Variants in USH2A observed in about 807,000 individuals in gnomAD.
The protein encoded by USH2A is Usher syndrome 2A (autosomal recessive, mild).
USH2A carries 443 observed loss-of-function variants against 538.9 expected under a neutral mutation model. That is an observed-to-expected ratio of 0.82 (90% CI 0.76 to 0.89). USH2A has a LOEUF of 0.89. Among genes scored for constraint, USH2A ranks in the 40% least tolerant of loss-of-function variants. The pLI is 0.00. For missense variants in USH2A, 6,633 were observed against 6,324.8 expected (o/e 1.05, Z -1.65); for synonymous variants, 2,413 against 2,273.5 (o/e 1.06, Z -1.75).
rs961401385 is a variant in USH2A at position 215,949,005 on chromosome 1, A to G, written c.7121-14210T>C. Reference sequence around the variant, plus strand: ...TAACGTGTTATATCCAGCTAAGTTCATATGACTGAGTGGGCTGGACTCACG... The same window carrying G: ...TAACGTGTTATATCCAGCTAAGTTCGTATGACTGAGTGGGCTGGACTCACG... On this transcript the variant is annotated intron_variant, in intron 37 of 71. Transcript: ENST00000307340. Among the ~76,000 whole-genome samples, 2 of 152,122 alleles carry G rather than the reference A, an allele frequency of 1.3e-5. 1 individual carries two copies. The highest frequency in any genetic ancestry group is 4.1e-4 in the South Asian group (2 of 4,828).
At chr1:216,192,555 A>G (rs928028693) in intron 19 of USH2A, among the ~76,000 whole-genome samples, 3 of 151,846 alleles carry the variant, frequency 2.0e-5, no homozygotes, top group Non-Finnish European at 2.9e-5. Flanking sequence ...AAAAAAAATT[A>G]GTCAGGTGTA....
At chr1:216,174,665 C>T (rs1230591675) in intron 21 of USH2A, 2 of 986,110 alleles carry the variant, frequency 2.0e-6, no homozygotes, top group African/African-American at 3.5e-5. Context: ...ATAGTCCTGG[C>T]TTAGAGAAGT....
Position 215,648,527 on chromosome 1 carries a change from C to T in USH2A, c.14582+1G>A. On this transcript the variant is annotated splice_donor_variant, in intron 66 of 71. Coordinates refer to ENST00000307340, the MANE Select transcript of USH2A (RefSeq NM_206933.4). LOFTEE classifies it high-confidence loss of function. ...CTTCATCCTTCTGCCTGACCCATTA[C>T]CTGTGAATGACACCATTGGGGAACA... 6.2e-7 allele frequency: 1 copy of T among 1,613,954 alleles called. No homozygotes were observed. Among genetic ancestry groups the T allele is most frequent in the South Asian group, 1.1e-5 (1 of 91,074 alleles).
chr1:216,056,248 A>T (rs1262837883), intron 30 of USH2A, among the ~76,000 whole-genome samples: 1 of 152,192 alleles, frequency 6.6e-6, no homozygotes, highest in Non-Finnish European at 1.5e-5. Context: ...CTCACACTGA[A>T]ATTACTGAAA....
intron 15 of USH2A, among the ~76,000 whole-genome samples, chr1:216,211,540 T>C (rs1215194046): frequency 6.6e-6 from 1 of 152,328 alleles, no homozygotes; most frequent in Non-Finnish European, 1.5e-5. Context: ...ATAGGCTTCC[T>C]AAAGACAAAG....
At position 215,624,599 on chromosome 1, in the gene USH2A, A is replaced by AT. The variant is rs2102620194; in HGVS notation, c.*1181dup. The AT allele has an allele frequency of 6.6e-6, 1 of 152,130 alleles. No homozygotes were observed. Among genetic ancestry groups the AT allele is most frequent in the African/African-American group, 2.4e-5 (1 of 41,510 alleles). The allele number at this position is 152,130 out of a possible 1,614,324, so 9.4% of individuals were successfully genotyped here. ...TTTTATGTGGATGATTTGCAAGAAA[A>AT]TTTTTCTTGCCATAGGACTTTCACC... is the stretch of plus-strand genomic sequence containing the variant. On this transcript the variant is annotated 3_prime_UTR_variant, in exon 72 of 72. Coordinates refer to ENST00000307340, the MANE Select transcript of USH2A (RefSeq NM_206933.4).
intron 30 of USH2A, among the ~76,000 whole-genome samples, chr1:216,064,915 C>A (rs781570192): frequency 1.8e-4 from 28 of 151,858 alleles, no homozygotes; most frequent in Non-Finnish European, 3.8e-4. Context: ...CATGACTGTA[C>A]CTAAAGCAAT....
At position 216,373,958 on chromosome 1, in the gene USH2A, G is replaced by A. The variant is rs368163679; in HGVS notation, c.652-8873C>T. 1.7e-3 allele frequency among the ~76,000 whole-genome samples: 262 copies of A among 152,024 alleles called. 12 individuals are homozygous for A. The South Asian group carries it at 0.053, about 30-fold the overall frequency. ...ATGAGTTCATGTCCTTTGTAGGAAC[G>A]TGGATGAAACTGGAAACCATCATTC... On this transcript the variant is annotated intron_variant, in intron 3 of 71. Transcript: ENST00000307340.
chr1:216,066,267 G>T (rs776535725), intron 30 of USH2A, among the ~76,000 whole-genome samples: 2 of 151,914 alleles, frequency 1.3e-5, no homozygotes, highest in Non-Finnish European at 2.9e-5. Context: ...TCAGGAAATC[G>T]AGACCATCCT....
At chr1:216,317,964 C>T (rs1209170292) in intron 9 of USH2A, among the ~76,000 whole-genome samples, 1 of 152,116 alleles carries the variant, frequency 6.6e-6, no homozygotes, top group Admixed American at 6.5e-5. Flanking sequence ...CTGTGAGCCA[C>T]CAATTTGTGA....
chr1:215,745,392 T>C (rs1374732316), intron 58 of USH2A, among the ~76,000 whole-genome samples: 1 of 151,842 alleles, frequency 6.6e-6, no homozygotes, highest in Admixed American at 6.6e-5. Context: ...TTTGAAAGTC[T>C]TACAATGTTT....
At chr1:215,981,978 A>G (rs1200363188) in intron 35 of USH2A, among the ~76,000 whole-genome samples, 2 of 152,222 alleles carry the variant, frequency 1.3e-5, no homozygotes, top group African/African-American at 2.4e-5. Context: ...TTGAAGTATC[A>G]ATTTTGTGCA....
intron 3 of USH2A, among the ~76,000 whole-genome samples, chr1:216,413,964 G>T (rs2102777158): frequency 6.6e-6 from 1 of 152,132 alleles, no homozygotes; most frequent in African/African-American, 2.4e-5. Flanking sequence ...ACTTTTAAAT[G>T]AAATGCCACT....
intron 61 of USH2A, among the ~76,000 whole-genome samples, chr1:215,692,940 G>C (rs1482473141): frequency 6.6e-6 from 1 of 151,208 alleles, no homozygotes; most frequent in Non-Finnish European, 1.5e-5. Flanking sequence ...GTCTCACTCT[G>C]TTGCCCGGGT....
rs555648371 is a variant in USH2A, at chr1:215,991,237, GATATGTT to G, written c.6805+1776_6805+1782del. On this transcript the variant is annotated intron_variant, in intron 35 of 71. Transcript: ENST00000307340. ...ATATTCCAGCATGGCTAGAAAGGAA[GATATGTT>G]ATAAGGCAATGTGTATTCAGGTTGA... 5.9e-5 allele frequency among the ~76,000 whole-genome samples: 9 copies of G among 152,318 alleles called. No homozygotes were observed. The South Asian group carries it at 1.9e-3, about 32-fold the overall frequency.
intron 61 of USH2A, among the ~76,000 whole-genome samples, chr1:215,717,432 G>C (rs1659516781): frequency 6.6e-6 from 1 of 152,116 alleles, no homozygotes; most frequent in African/African-American, 2.4e-5. Context: ...AATGAGTGCT[G>C]GGTTTGGATT....
At chr1:215,809,105 A>G (rs1177036535) in intron 49 of USH2A, among the ~76,000 whole-genome samples, 1 of 152,190 alleles carries the variant, frequency 6.6e-6, no homozygotes, top group African/African-American at 2.4e-5. Context: ...AGCTTATTGT[A>G]AACAGTAAAG....
chr1:215,834,132 TAC>T (rs1197472175), intron 47 of USH2A, among the ~76,000 whole-genome samples: 1 of 152,164 alleles, frequency 6.6e-6, no homozygotes, highest in Admixed American at 6.5e-5. Flanking sequence ...TGAAAGATGT[TAC>T]AGTCACTTTG....
chr1:216,038,727 A>G (rs1462351988), intron 32 of USH2A, among the ~76,000 whole-genome samples: 1 of 152,012 alleles, frequency 6.6e-6, no homozygotes, highest in African/African-American at 2.4e-5. Flanking sequence ...TTCTGTATTA[A>G]TTTATAACTC....
Sources: gnomAD v4.1 joint callset for allele counts (sites outside exome capture counted in the v4.1 genomes callset) on GRCh38, gnomAD v4.1.1 for gene constraint, MANE v1.5 for transcripts, NCBI Gene and HGNC (gene_info 2026-07-23, HGNC 2026-07-21) for gene names.